Variants in PCDHGA8 observed in about 807,000 individuals in gnomAD.
PCDHGA8 encodes protocadherin gamma subfamily A, 8.
PCDHGA8 carries 45 observed loss-of-function variants against 59.2 expected under a neutral mutation model. The ratio of observed to expected loss-of-function variants is 0.76; its 90% CI spans 0.60 to 0.98. PCDHGA8 has a LOEUF of 0.98. Ranked by LOEUF, PCDHGA8 falls within the 50% of genes least tolerant of loss-of-function variation. The pLI is 0.00. For missense variants in PCDHGA8, 1,257 were observed against 1,196.2 expected, an observed-to-expected ratio of 1.05 and a Z score of -0.75; for synonymous variants, 531 against 519.0, an observed-to-expected ratio of 1.02 and a Z score of -0.32.
At chr5:141,507,785 C>T (rs1203302886) in intron 3 of PCDHGA8, among the ~76,000 whole-genome samples, 1 of 152,222 alleles carries the variant, frequency 6.6e-6, no homozygotes, top group African/African-American at 2.4e-5. Context: ...GCCTGACCCT[C>T]GTCTAAGCCT....
intron 1 of PCDHGA8, chr5:141,400,083 C>T (rs1396687812): frequency 6.2e-7 from 1 of 1,614,048 alleles, no homozygotes; most frequent in Non-Finnish European, 8.5e-7. Context: ...CACTCTCCGC[C>T]ACCGCCACGC....
At chr5:141,463,682 G>A (rs62379195) in intron 1 of PCDHGA8, among the ~76,000 whole-genome samples, 7,165 of 151,926 alleles carry the variant, frequency 0.047, 241 homozygotes, top group Middle Eastern at 0.095. Context: ...GGATGACCTC[G>A]TGATCTGCTC....
At chr5:141,456,695 T>C (rs1264543968) in intron 1 of PCDHGA8, among the ~76,000 whole-genome samples, 2 of 152,136 alleles carry the variant, frequency 1.3e-5, no homozygotes, top group Non-Finnish European at 2.9e-5. Flanking sequence ...CCAGGCGTGG[T>C]GGCTCGCGCC....
At chr5:141,421,169 T>G in intron 1 of PCDHGA8, 2 of 1,340,600 alleles carry the variant, frequency 1.5e-6, no homozygotes, top group South Asian at 1.5e-5. Flanking sequence ...CATAGATACA[T>G]AAGCCGATTC....
At chr5:141,396,410 G>C (rs2093377441) in intron 1 of PCDHGA8, 1 of 152,250 alleles carries the variant, frequency 6.6e-6, no homozygotes, top group Non-Finnish European at 1.5e-5. Context: ...CCTGAGGTCA[G>C]GAGTTCAAGA....
At chr5:141,417,503 TAA>T in intron 1 of PCDHGA8, 1 of 229,962 alleles carries the variant, frequency 4.3e-6, no homozygotes, top group East Asian at 9.7e-5. Flanking sequence ...GGAAAAAGAT[TAA>T]AATATTTTGG....
intron 1 of PCDHGA8, chr5:141,408,586 C>G: frequency 6.2e-7 from 1 of 1,613,976 alleles, no homozygotes; most frequent in Non-Finnish European, 8.5e-7. Context: ...ATGTTAATGA[C>G]CACGCCCCTC....
Position 141,415,335 on chromosome 5 carries a change from G to T in PCDHGA8, c.2424+20098G>T, listed in dbSNP as rs779617513. On this transcript the variant is annotated intron_variant, in intron 1 of 3. Coordinates refer to ENST00000398604, the MANE Select transcript of PCDHGA8 (RefSeq NM_032088.2). ...TCATCGTGCTGCTGGCGCACAGGCT[G>T]CGGCGCTGGCACAAGTCACGCCTGC... The T allele has an allele frequency of 4.3e-6, 7 of 1,614,110 alleles. No homozygotes were observed. The Admixed American group carries it at 1.2e-4, about 27-fold the overall frequency.
At chr5:141,417,304 AG>A (rs1315238937) in intron 1 of PCDHGA8, 1 of 152,318 alleles carries the variant, frequency 6.6e-6, no homozygotes, top group East Asian at 1.9e-4. Context: ...CTCTGGATGG[AG>A]GAATTGGATA....
intron 1 of PCDHGA8, among the ~76,000 whole-genome samples, chr5:141,465,368 A>C (rs940928815): frequency 1.3e-5 from 2 of 152,114 alleles, no homozygotes; most frequent in Admixed American, 6.6e-5. Flanking sequence ...TGCCCTTTAA[A>C]GTTGTAAGAT....
At chr5:141,441,655 C>A in intron 1 of PCDHGA8, 1 of 247,430 alleles carries the variant, frequency 4.0e-6, no homozygotes. Context: ...TTCTAGGTGT[C>A]CTTGAGCGCA....
In PCDHGA8 at chr5:141,485,126, G is replaced by C; in HGVS notation, c.2425-9681G>C. ...TGCTGTGGCTGTTTGGGGCGGGTCG[G>C]CTTCATCCGCGTCTCAGGAGCAAGT... On this transcript the variant is annotated intron_variant, in intron 1 of 3. Transcript: ENST00000398604. The surrounding 1 kb of genome is among the most constrained non-coding windows in gnomAD (Gnocchi z 5.7). 1.4e-6 allele frequency: 2 copies of C among 1,432,378 alleles called. No homozygotes were observed. The highest frequency in any genetic ancestry group is 2.4e-5 in the South Asian group (2 of 81,724). 88.7% of individuals were successfully genotyped at this position (1,432,378 alleles called of 1,614,324 possible). A position where few individuals can be genotyped will look rare whatever the true frequency, so the allele number is the denominator to read the frequency against.
At position 141,399,193 on chromosome 5, in the gene PCDHGA8, G is replaced by A. The variant is rs138699584; in HGVS notation, c.2424+3956G>A. ...TCTACTTGAAATGATTCTGGAAAAC[G>A]CGGTGCCTGGAACACTAATTGCTTT... is the stretch of plus-strand genomic sequence containing the variant. On this transcript the variant is annotated intron_variant, in intron 1 of 3. Transcript: ENST00000398604. The A allele has an allele frequency of 4.9e-3, 7,970 of 1,613,820 alleles. 45 individuals are homozygous for A. Among genetic ancestry groups the A allele is most frequent in the Admixed American group, 9.4e-3 (567 of 60,008 alleles).
Position 141,485,955 on chromosome 5 carries a change from T to C in PCDHGA8, c.2425-8852T>C. 1 of 1,614,152 alleles carries C rather than the reference T, an allele frequency of 6.2e-7. No homozygotes were observed. Among genetic ancestry groups the C allele is most frequent in the Non-Finnish European group, 8.5e-7 (1 of 1,180,018 alleles). On this transcript the variant is annotated intron_variant, in intron 1 of 3. Transcript: ENST00000398604. This position sits in a 1 kb window ranked among gnomAD's most constrained non-coding sequence, Gnocchi z 5.7. ...GAGAGCGCACCAGCGGGCATGGTGC[T>C]CATCCAGCTCAATGCCTCAGACCCG...
In PCDHGA8 at chr5:141,493,548, G is replaced by A. The variant is rs1243278355; in HGVS notation, c.2425-1259G>A. 3.9e-5 allele frequency among the ~76,000 whole-genome samples: 6 copies of A among 152,196 alleles called. No homozygotes were observed. ...AAACTTGGCCAGTTATCCTTTTGGA[G>A]ATTGAGTTCCCCCAGCTCCGTTTCC... On this transcript the variant is annotated intron_variant, in intron 1 of 3. Coordinates refer to ENST00000398604, the MANE Select transcript of PCDHGA8 (RefSeq NM_032088.2). This position sits in a 1 kb window ranked among gnomAD's most constrained non-coding sequence, Gnocchi z 4.3.
chr5:141,419,769 C>T (rs773303779), intron 1 of PCDHGA8: 6 of 1,613,888 alleles, frequency 3.7e-6, no homozygotes, highest in Non-Finnish European at 4.2e-6. Context: ...GACAAGGACT[C>T]GGTCCGCCAG....
rs140779776 is a variant in PCDHGA8 at position 141,412,904 on chromosome 5, C to T, written c.2424+17667C>T. On this transcript the variant is annotated intron_variant, in intron 1 of 3. Transcript: ENST00000398604. ...CAACAGAATAGTTTACTTTCCATTG[C>T]ATGTATCACTTGGGTGCAGTAACTT... The T allele has an allele frequency of 4.0e-4, 150 of 378,712 alleles. 3 individuals carry two copies. In the East Asian group the frequency reaches 6.1e-3, roughly 15 times the overall value. 23.5% of individuals were successfully genotyped at this position (378,712 alleles called of 1,614,324 possible).
At chr5:141,404,623 C>T in intron 1 of PCDHGA8, 3 of 1,614,154 alleles carry the variant, frequency 1.9e-6, no homozygotes, top group Non-Finnish European at 2.5e-6. Context: ...ACCAGAATGA[C>T]AATGCCCCAG....
rs1267535064 is a variant in PCDHGA8, at chr5:141,395,542, T to TTGTTTGTG, written c.2424+308_2424+309insTTGTGTGT. On this transcript the variant is annotated intron_variant, in intron 1 of 3. Coordinates refer to ENST00000398604, the MANE Select transcript of PCDHGA8 (RefSeq NM_032088.2). Reference sequence around the variant, plus strand: ...TCCATACTGGTAATTTTGCTATTGTTTGTGTGTGTGTGTGTGTGTGTGTGT... The same window carrying TTGTTTGTG: ...TCCATACTGGTAATTTTGCTATTGTTTGTTTGTGTGTGTGTGTGTGTGTGTGTGTGTGT... 308 of 172,612 alleles carry TTGTTTGTG rather than the reference T, an allele frequency of 1.8e-3. 2 individuals are homozygous for TTGTTTGTG. Among genetic ancestry groups the TTGTTTGTG allele is most frequent in the African/African-American group, 0.017 (292 of 17,534 alleles). The allele number at this position is 172,612 out of a possible 1,614,324, so 10.7% of individuals were successfully genotyped here.
Sources: allele counts gnomAD v4.1 joint callset (sites outside exome capture counted in the v4.1 genomes callset), GRCh38; gene constraint gnomAD v4.1.1; non-coding constraint Gnocchi (gnomAD v3.1); transcripts MANE v1.5; gene names NCBI Gene and HGNC (gene_info 2026-07-23, HGNC 2026-07-21).